RBFOX2: variants seen among roughly 807,000 people sequenced by gnomAD.
The protein encoded by RBFOX2 is RNA binding protein fox-1 homolog 2.
In RBFOX2, 10 loss-of-function variants were observed where a neutral mutation model predicts 49.1. The observed-to-expected ratio is 0.20, with a 90% CI of 0.13 to 0.35. The LOEUF (loss-of-function observed/expected upper bound fraction) is 0.35, where lower values mean the gene tolerates loss of function less well. Ranked by LOEUF, RBFOX2 falls within the 10% of genes least tolerant of loss-of-function variation. The pLI, the probability that RBFOX2 is intolerant of heterozygous loss-of-function variation, is 1.00. For missense variants in RBFOX2, 323 were observed against 486.9 expected (o/e 0.66, Z 3.17); for synonymous variants, 183 against 187.4 (o/e 0.98, Z 0.19).
chr22:35,786,497 C>T (rs529342044), intron 2 of RBFOX2, among the ~76,000 whole-genome samples: 6 of 152,272 alleles, frequency 3.9e-5, no homozygotes, highest in African/African-American at 1.4e-4. Flanking sequence ...CATGTAACCA[C>T]CAAATTAGAT....
chr22:35,840,163 G>C (rs1391783284), intron 1 of RBFOX2: 2 of 1,611,436 alleles, frequency 1.2e-6, no homozygotes, highest in East Asian at 2.2e-5. Context: ...GAGGAGAAAA[G>C]AAACATGCCG....
At chr22:35,964,879 A>G (rs906235937), upstream of RBFOX2, among the ~76,000 whole-genome samples, 12 of 151,164 alleles carry the variant, frequency 7.9e-5, no homozygotes, top group African/African-American at 2.9e-4. Context: ...CCTTTTCTGG[A>G]AAAAAAATGT....
intron 1 of RBFOX2, among the ~76,000 whole-genome samples, chr22:35,904,227 G>T (rs1469622291): frequency 1.3e-5 from 2 of 151,942 alleles, no homozygotes; most frequent in Non-Finnish European, 2.9e-5. Flanking sequence ...TCTAGTTGGA[G>T]GTCTTTCCCC....
intron 1 of RBFOX2, among the ~76,000 whole-genome samples, chr22:35,826,944 T>G (rs1955886793): frequency 6.6e-6 from 1 of 152,196 alleles, no homozygotes; most frequent in Non-Finnish European, 1.5e-5. Flanking sequence ...CATGGGTAAT[T>G]GAAACCATGA....
rs532772576 is a variant in RBFOX2, at chr22:35,821,878, A to G, written c.28-11874T>C. The G allele has an allele frequency of 1.8e-4, 96 of 519,006 alleles. 3 individuals are homozygous for G. Among genetic ancestry groups the G allele is most frequent in the South Asian group, 1.3e-3 (96 of 71,598 alleles). 32.2% of individuals were successfully genotyped at this position (519,006 alleles called of 1,614,324 possible). On this transcript the variant is annotated intron_variant, in intron 1 of 11. Coordinates refer to ENST00000405409, the Ensembl canonical transcript of RBFOX2. ...CAAGTGAGTTAACTGTTTGTATGGC[A>G]AACTTTGACCAAAAGGGGGAGGAGC...
At chr22:35,761,205 T>A in exon 8 of RBFOX2, 4 of 1,612,508 alleles carry the variant, frequency 2.5e-6, no homozygotes, top group Non-Finnish European at 3.4e-6. Context: ...TACTTACTGA[T>A]TAAAGGAATG....
intron 1 of RBFOX2, among the ~76,000 whole-genome samples, chr22:35,869,282 C>G (rs2044055585): frequency 6.6e-6 from 1 of 151,876 alleles, no homozygotes; most frequent in Non-Finnish European, 1.5e-5. Context: ...CTCAGCCTCC[C>G]TAGTAGCTGG....
At chr22:35,906,758 T>A (rs1298880939) in intron 1 of RBFOX2, among the ~76,000 whole-genome samples, 1 of 152,000 alleles carries the variant, frequency 6.6e-6, no homozygotes, top group Non-Finnish European at 1.5e-5. Flanking sequence ...GAGGCTGCAG[T>A]GAGCCAAGAT....
intron 2 of RBFOX2, among the ~76,000 whole-genome samples, chr22:35,803,338 G>T (rs1394930765): frequency 6.6e-6 from 1 of 152,150 alleles, no homozygotes; most frequent in African/African-American, 2.4e-5. Context: ...AGGCCCAGAT[G>T]TTGGATTTAG....
At chr22:35,911,378 G>C (rs576619055) in intron 1 of RBFOX2, among the ~76,000 whole-genome samples, 1 of 152,266 alleles carries the variant, frequency 6.6e-6, no homozygotes, top group South Asian at 2.1e-4. Flanking sequence ...CAATCATCAG[G>C]AATACTGCTA....
At chr22:36,002,260 C>T (rs911757986) in intron 1 of RBFOX2, among the ~76,000 whole-genome samples, 1 of 152,070 alleles carries the variant, frequency 6.6e-6, no homozygotes, top group African/African-American at 2.4e-5. Flanking sequence ...TCTCAGAATC[C>T]GTCTTCTTGT....
chr22:35,751,397 A>AG (rs545006648), intron 9 of RBFOX2, among the ~76,000 whole-genome samples: 72 of 152,180 alleles, frequency 4.7e-4, no homozygotes, highest in South Asian at 2.5e-3. Flanking sequence ...TCAATAGAGC[A>AG]GAGGGTTGGG....
chr22:36,007,729 T>C (rs187204870), intron 1 of RBFOX2, among the ~76,000 whole-genome samples: 152 of 152,324 alleles, frequency 1.0e-3, no homozygotes, highest in African/African-American at 3.5e-3. Flanking sequence ...GCAGAGTCTA[T>C]GCACACACGG....
At chr22:35,858,179 T>G (rs935652491) in intron 1 of RBFOX2, among the ~76,000 whole-genome samples, 1 of 152,212 alleles carries the variant, frequency 6.6e-6, no homozygotes, top group African/African-American at 2.4e-5. Context: ...AACTTTCTAT[T>G]GGGATACTTG....
chr22:35,986,425 C>T (rs746794899), intron 1 of RBFOX2, among the ~76,000 whole-genome samples: 1 of 152,114 alleles, frequency 6.6e-6, no homozygotes, highest in African/African-American at 2.4e-5. Flanking sequence ...AGCTCACTGT[C>T]TGAATGGAAA....
At chr22:35,945,535 G>C (rs775051839) in intron 1 of RBFOX2, among the ~76,000 whole-genome samples, 1 of 152,190 alleles carries the variant, frequency 6.6e-6, no homozygotes, top group East Asian at 1.9e-4. Flanking sequence ...CGACCTCGCA[G>C]ACCCAAGCGA....
chr22:35,739,226 A>G (rs1226646974), exon 12 of RBFOX2: 1 of 152,598 alleles, frequency 6.6e-6, no homozygotes, highest in East Asian at 1.9e-4. Flanking sequence ...GGCTGGAGGA[A>G]CAGCATGTTG....
At chr22:36,003,604 T>C (rs1425643444) in intron 1 of RBFOX2, among the ~76,000 whole-genome samples, 1 of 152,194 alleles carries the variant, frequency 6.6e-6, no homozygotes, top group African/African-American at 2.4e-5. Context: ...GGCTTTTTGG[T>C]AAGAATATAC....
exon 12 of RBFOX2, chr22:35,739,309 T>G (rs1928620599): frequency 6.6e-6 from 1 of 152,414 alleles, no homozygotes; most frequent in Non-Finnish European, 1.5e-5. Flanking sequence ...TTTTGAGCCT[T>G]GCAAAGATTT....
Sources: gnomAD v4.1 joint callset for allele counts (sites outside exome capture counted in the v4.1 genomes callset) on GRCh38, gnomAD v4.1.1 for gene constraint, MANE v1.5 for transcripts, NCBI Gene and HGNC (gene_info 2026-07-23, HGNC 2026-07-21) for gene names.